The following PTPRN2 variants were observed in gnomAD, a reference collection of about 807,000 sequenced individuals.
PTPRN2 encodes protein tyrosine phosphatase receptor type N2.
PTPRN2 carries 74 observed loss-of-function variants against 118.8 expected under a neutral mutation model. The ratio of observed to expected loss-of-function variants is 0.62; its 90% CI spans 0.52 to 0.76. The LOEUF is 0.76. Among genes scored for constraint, PTPRN2 ranks in the 30% least tolerant of loss-of-function variants. The pLI is 0.00. For missense variants in PTPRN2, 1,481 were observed against 1,394.4 expected (o/e 1.06, Z -0.99); for synonymous variants, 641 against 608.0 (o/e 1.05, Z -0.80).
intron 2 of PTPRN2, among the ~76,000 whole-genome samples, chr7:158,341,858 A>T (rs1403304894): frequency 6.1e-4 from 4 of 6,568 alleles, no homozygotes; most frequent in African/African-American, 1.9e-3. Flanking sequence ...TCACCATAAG[A>T]GTGTGCCCCG....
At chr7:157,994,601 G>A (rs112801171) in intron 11 of PTPRN2, among the ~76,000 whole-genome samples, 2,613 of 94,858 alleles carry the variant, frequency 0.028, 41 homozygotes, top group South Asian at 0.036. Context: ...TCAATGCCGC[G>A]TCCCCAGCTT....
intron 9 of PTPRN2, among the ~76,000 whole-genome samples, chr7:158,119,865 G>T (rs180811777): frequency 9.9e-5 from 15 of 152,238 alleles, no homozygotes; most frequent in Admixed American, 7.8e-4. Flanking sequence ...TTGCCCAAAA[G>T]AATTGAAAAC....
At position 158,372,654 on chromosome 7, in the gene PTPRN2, C is replaced by T. The variant is rs559243659; in HGVS notation, c.164-55722G>A. Among the ~76,000 whole-genome samples the T allele has an allele frequency of 9.2e-5, 14 of 152,048 alleles. 1 individual carries two copies. Among genetic ancestry groups the T allele is most frequent in the East Asian group, 7.7e-4 (4 of 5,164 alleles). On this transcript the variant is annotated intron_variant, in intron 2 of 22. Coordinates refer to ENST00000389418, the MANE Select transcript of PTPRN2 (RefSeq NM_002847.5). ...AGCTGGTCCCCACCACGCTGGTTCC[C>T]GGAGCTGATCTCCACCACGCTGATC...
chr7:157,665,507 T>C (rs958267589), intron 13 of PTPRN2, among the ~76,000 whole-genome samples: 3 of 152,242 alleles, frequency 2.0e-5, no homozygotes, highest in Non-Finnish European at 2.9e-5. Flanking sequence ...CACTGAGGGC[T>C]GGGCATGGGC....
At chr7:157,653,820 AC>A (rs1169508479) in intron 14 of PTPRN2, among the ~76,000 whole-genome samples, 12 of 146,752 alleles carry the variant, frequency 8.2e-5, no homozygotes, top group Non-Finnish European at 1.8e-4. Context: ...ACCCACCCCA[AC>A]TGCACACGAC....
intron 12 of PTPRN2, among the ~76,000 whole-genome samples, chr7:157,839,180 G>A (rs895815257): frequency 2.0e-5 from 3 of 152,252 alleles, no homozygotes; most frequent in East Asian, 1.9e-4. Context: ...AGATTAACAC[G>A]TAATTGTTCT....
At chr7:158,106,120 C>T (rs1411828871) in intron 10 of PTPRN2, among the ~76,000 whole-genome samples, 1 of 152,090 alleles carries the variant, frequency 6.6e-6, no homozygotes, top group African/African-American at 2.4e-5. Context: ...CTGCTCTGTC[C>T]TCAGATTCAT....
At chr7:158,094,182 G>A (rs973665027) in intron 10 of PTPRN2, among the ~76,000 whole-genome samples, 13 of 152,328 alleles carry the variant, frequency 8.5e-5, no homozygotes, top group Admixed American at 3.3e-4. Context: ...CCTGCTGGGT[G>A]GCATGACCAG....
At chr7:157,569,000 C>T (rs372883822) in intron 20 of PTPRN2, 34 bp from the exon 21 acceptor site, 230 of 1,524,870 alleles carry the variant, frequency 1.5e-4, no homozygotes, top group Non-Finnish European at 2.0e-4. Context: ...AAAGTGCTGC[C>T]GTCCACACGG....
At chr7:158,535,950 G>T (rs1825617499) in intron 1 of PTPRN2, among the ~76,000 whole-genome samples, 1 of 147,734 alleles carries the variant, frequency 6.8e-6, no homozygotes, top group African/African-American at 2.5e-5. Flanking sequence ...TAGATAAGAT[G>T]AAGAAAAATA....
chr7:157,873,919 G>A (rs182595439), intron 12 of PTPRN2, among the ~76,000 whole-genome samples: 29 of 152,254 alleles, frequency 1.9e-4, no homozygotes, highest in African/African-American at 5.3e-4. Context: ...CAGGAGGGCC[G>A]TCCGGGGAAA....
intron 12 of PTPRN2, among the ~76,000 whole-genome samples, chr7:157,754,558 G>A (rs1801671706): frequency 1.3e-5 from 2 of 152,344 alleles, no homozygotes; most frequent in African/African-American, 2.4e-5. Context: ...CTGCACTCAC[G>A]GGACTCCCTC....
intron 2 of PTPRN2, among the ~76,000 whole-genome samples, chr7:158,320,091 ACT>A (rs1487744298): frequency 3.7e-4 from 29 of 77,676 alleles, no homozygotes; most frequent in Admixed American, 4.8e-4. Context: ...CCTCACACAC[ACT>A]CACATAGTCT....
chr7:158,164,046 C>T (rs1217108161), intron 6 of PTPRN2, among the ~76,000 whole-genome samples: 3 of 152,196 alleles, frequency 2.0e-5, no homozygotes, highest in Non-Finnish European at 4.4e-5. Context: ...CAGGGTAGCT[C>T]AGGAAGAATG....
chr7:158,109,684 AC>A (rs2150365467), intron 10 of PTPRN2, among the ~76,000 whole-genome samples: 1 of 149,876 alleles, frequency 6.7e-6, no homozygotes, highest in South Asian at 2.1e-4. Context: ...GAGTGATGTC[AC>A]CCCTGTGTGA....
At chr7:158,120,816 T>A (rs1036134922) in intron 9 of PTPRN2, among the ~76,000 whole-genome samples, 2 of 152,140 alleles carry the variant, frequency 1.3e-5, no homozygotes. Flanking sequence ...AATGGCCAGA[T>A]GTTGGGCCAG....
At chr7:158,578,492 G>A (rs1828457940) in intron 1 of PTPRN2, among the ~76,000 whole-genome samples, 1 of 140,546 alleles carries the variant, frequency 7.1e-6, no homozygotes, top group African/African-American at 2.7e-5. Flanking sequence ...CTATGACTAT[G>A]CCACTGCACT....
At position 158,094,854 on chromosome 7, in the gene PTPRN2, C is replaced by T. The variant is rs75413776; in HGVS notation, c.1644-13477G>A. 6.2e-3 allele frequency among the ~76,000 whole-genome samples: 946 copies of T among 152,290 alleles called. 8 individuals are homozygous for T. Among genetic ancestry groups the T allele is most frequent in the African/African-American group, 0.022 (905 of 41,546 alleles). On this transcript the variant is annotated intron_variant, in intron 10 of 22. Coordinates refer to ENST00000389418, the MANE Select transcript of PTPRN2 (RefSeq NM_002847.5). ...GAGGGCTCCACTGCGCAGTCCCCAC[C>T]ATCCCTCAGGGTCTCCTGGGCACTG... is the stretch of plus-strand genomic sequence containing the variant.
At chr7:157,656,242 C>A in intron 14 of PTPRN2, 115 bp downstream of exon 14, 1 of 1,094,296 alleles carries the variant, frequency 9.1e-7, no homozygotes, top group Non-Finnish European at 1.3e-6. Flanking sequence ...GGGCAGGGTG[C>A]AGCCATCATC....
Sources: gnomAD v4.1 joint callset for allele counts (sites outside exome capture counted in the v4.1 genomes callset) on GRCh38, gnomAD v4.1.1 for gene constraint, MANE v1.5 for transcripts, NCBI Gene and HGNC (gene_info 2026-07-23, HGNC 2026-07-21) for gene names.